Variants in PLEKHA7 observed in about 807,000 individuals in gnomAD.
The protein encoded by PLEKHA7 is pleckstrin homology domain-containing family A member 7.
In PLEKHA7, 104 loss-of-function variants were observed where a neutral mutation model predicts 170.0. The ratio of observed to expected loss-of-function variants is 0.61; its 90% CI spans 0.52 to 0.72. PLEKHA7 has a LOEUF of 0.72. PLEKHA7 is among the 30% of genes least tolerant of loss of function. The probability of loss-of-function intolerance (pLI) is 0.00; values close to 1 mark genes in which losing one functional copy is unlikely to be tolerated. For synonymous variants in PLEKHA7, 648 were observed against 660.8 expected (o/e 0.98, Z 0.30); for missense variants, 1,615 against 1,671.7 (o/e 0.97, Z 0.59).
At chr11:16,842,165 G>GTGC (rs1852015346) in intron 8 of PLEKHA7, 1 of 162,116 alleles carries the variant, frequency 6.2e-6, no homozygotes, top group African/African-American at 2.7e-5. Flanking sequence ...TGATGTGGAT[G>GTGC]TTCACTGTGC....
intron 3 of PLEKHA7, among the ~76,000 whole-genome samples, chr11:16,940,754 A>G (rs1860641452): frequency 6.6e-6 from 1 of 152,208 alleles, no homozygotes; most frequent in Non-Finnish European, 1.5e-5. Flanking sequence ...TGAATCCAAC[A>G]TAGTGCCTTT....
At chr11:16,917,987 A>G (rs1313776251) in intron 3 of PLEKHA7, among the ~76,000 whole-genome samples, 1 of 152,086 alleles carries the variant, frequency 6.6e-6, no homozygotes, top group African/African-American at 2.4e-5. Context: ...TCTCTCTATA[A>G]CCTACAGCTC....
intron 26 of PLEKHA7, among the ~76,000 whole-genome samples, chr11:16,780,190 C>T (rs576955870): frequency 2.0e-5 from 3 of 152,182 alleles, no homozygotes; most frequent in Non-Finnish European, 2.9e-5. Flanking sequence ...CCAGGTGAAC[C>T]GCTGGGCTCA....
intron 3 of PLEKHA7, among the ~76,000 whole-genome samples, chr11:16,941,611 T>A (rs1022424265): frequency 3.3e-5 from 5 of 152,224 alleles, no homozygotes; most frequent in African/African-American, 1.2e-4. Context: ...ATAGGCATTA[T>A]CCTATTTAAT....
At chr11:16,979,089 G>T (rs569919678) in intron 3 of PLEKHA7, among the ~76,000 whole-genome samples, 1 of 152,336 alleles carries the variant, frequency 6.6e-6, no homozygotes, top group South Asian at 2.1e-4. Context: ...CCAGGCTGGA[G>T]CGCAGTGGCA....
rs975023079 is a variant in PLEKHA7, at chr11:16,795,084, C to G, written c.2410-66G>C. The G allele has an allele frequency of 5.9e-6, 7 of 1,195,632 alleles. No homozygotes were observed. In the Admixed American group the frequency reaches 8.5e-5, roughly 14 times the overall value. The allele number at this position is 1,195,632 out of a possible 1,614,324, so 74.1% of individuals were successfully genotyped here. On this transcript the variant is annotated intron_variant, in intron 17 of 26. Transcript: ENST00000531066. ...TACAAGTTTCTTCTTAGGACTTATC[C>G]TACCATTTCAGACAGAGCCCCCCGC... is the stretch of plus-strand genomic sequence containing the variant.
chr11:16,807,796 T>C (rs999460494), intron 13 of PLEKHA7, among the ~76,000 whole-genome samples: 2 of 152,228 alleles, frequency 1.3e-5, no homozygotes, highest in African/African-American at 4.8e-5. Flanking sequence ...TGCTGAACAC[T>C]GGAATCACTG....
At position 16,783,781 on chromosome 11, in the gene PLEKHA7, G is replaced by T; in HGVS notation, c.3569C>A (p.Pro1190His). Residue 1190 changes from proline to histidine, a missense_variant, in exon 25 of 27, where the codon CCC (proline) becomes CAC (histidine). By Grantham distance (77) the Pro-to-His change is moderately conservative. Transcript: ENST00000531066. ...SIPERYVELDPEEPPSLEELQ... is the reference protein window; with the variant it reads ...SIPERYVELDHEEPPSLEELQ... ...CTCCTCAAGGCTGGGTGGCTCTTCGGGATCTAGCTCCACGTAGCGCTCAGG... is the reference window on the plus strand; with the variant it reads ...CTCCTCAAGGCTGGGTGGCTCTTCGTGATCTAGCTCCACGTAGCGCTCAGG... The T allele has an allele frequency of 1.3e-6, 2 of 1,514,918 alleles. No individual in the cohort carries two copies. Among genetic ancestry groups the T allele is most frequent in the Non-Finnish European group, 1.8e-6 (2 of 1,136,736 alleles). 93.8% of individuals were successfully genotyped at this position (1,514,918 alleles called of 1,614,324 possible).
At chr11:16,891,566 A>G (rs1343075407) in intron 3 of PLEKHA7, among the ~76,000 whole-genome samples, 1 of 152,250 alleles carries the variant, frequency 6.6e-6, no homozygotes, top group Non-Finnish European at 1.5e-5. Context: ...GTATTAGTTT[A>G]GTGGCTTTGA....
At chr11:16,913,574 A>G (rs942617718) in intron 3 of PLEKHA7, among the ~76,000 whole-genome samples, 2 of 152,226 alleles carry the variant, frequency 1.3e-5, no homozygotes, top group African/African-American at 2.4e-5. Flanking sequence ...GTTCCACTCC[A>G]CTGAGGGGAA....
chr11:16,925,730 G>A (rs561302069), intron 3 of PLEKHA7, among the ~76,000 whole-genome samples: 1 of 152,332 alleles, frequency 6.6e-6, no homozygotes, highest in South Asian at 2.1e-4. Flanking sequence ...GGGCCTTTCC[G>A]AGGAGCCCAC....
chr11:17,013,882 C>G, intron 3 of PLEKHA7, 107 bp downstream of exon 3: 3 of 1,271,774 alleles, frequency 2.4e-6, no homozygotes, highest in East Asian at 3.1e-5. Context: ...CGCGCGCCAA[C>G]GAGCCCGGGC....
intron 3 of PLEKHA7, among the ~76,000 whole-genome samples, chr11:16,884,172 TGA>T (rs1160762923): frequency 6.6e-6 from 1 of 152,150 alleles, no homozygotes; most frequent in Admixed American, 6.5e-5. Context: ...TCCAGTCCTT[TGA>T]GAGATGATCC....
rs752014800 is a variant in PLEKHA7, at chr11:16,786,372, C to T, written c.3373G>A (p.Asp1125Asn). ...GDLGSWKREQ[D>N]FDLQLLERVV... ...CGTTCCAGCAACTGCAGGTCAAAGT[C>T]CTGCTCACGCTTCCACTGGCAACAG... is the stretch of plus-strand genomic sequence containing the variant. Residue 1125 changes from aspartate (D) to asparagine (N), a missense_variant, in exon 24 of 27, where the codon GAC (aspartate) becomes AAC (asparagine). By Grantham distance (23) the Asp-to-Asn change is conservative. Coordinates refer to ENST00000531066, the MANE Select transcript of PLEKHA7 (RefSeq NM_001329630.2). 3.1e-5 allele frequency: 48 copies of T among 1,536,054 alleles called. No homozygotes were observed. The South Asian group carries it at 5.2e-4, about 17-fold the overall frequency.
intron 3 of PLEKHA7, among the ~76,000 whole-genome samples, chr11:16,996,809 G>A (rs979103701): frequency 6.6e-6 from 1 of 152,084 alleles, no homozygotes; most frequent in Admixed American, 6.6e-5. Flanking sequence ...GGTGGTGGTC[G>A]CCTGTGGTCC....
chr11:16,850,231 A>G (rs1177501372), intron 8 of PLEKHA7, among the ~76,000 whole-genome samples: 1 of 152,198 alleles, frequency 6.6e-6, no homozygotes, highest in Non-Finnish European at 1.5e-5. Flanking sequence ...TCTAGTGTTC[A>G]TCTTGTGCCT....
rs375631588 is a variant in PLEKHA7 at position 16,826,365 on chromosome 11, C to T, written c.1098G>A (p.Ser366=). The change falls in exon 10 of 27, where the codon TCG becomes TCA. Residue 366 remains serine (S), a synonymous_variant. Coordinates refer to ENST00000531066, the MANE Select transcript of PLEKHA7 (RefSeq NM_001329630.2). ...RDRSKARSPY[S]PAEEDALFMD... ...TAAACAAGGCATCCTCCTCGGCTGG[C>T]GAGTACGGAGACCTGGCCTTGCTCC... The T allele has an allele frequency of 2.7e-5, 44 of 1,614,124 alleles. No homozygotes were observed. The highest frequency in any genetic ancestry group is 2.5e-4 in the African/African-American group (19 of 74,946).
chr11:16,810,882 T>C (rs559645085), intron 13 of PLEKHA7, among the ~76,000 whole-genome samples: 151 of 152,314 alleles, frequency 9.9e-4, no homozygotes, highest in African/African-American at 3.5e-3. Flanking sequence ...AGCTGCTGTG[T>C]AGGCTTGGGA....
chr11:16,967,750 G>A (rs1040691781), intron 3 of PLEKHA7, among the ~76,000 whole-genome samples: 2 of 152,114 alleles, frequency 1.3e-5, no homozygotes, highest in African/African-American at 4.8e-5. Context: ...CCCAGAATGA[G>A]CACCACACAA....
Sources: allele counts gnomAD v4.1 joint callset (sites outside exome capture counted in the v4.1 genomes callset), GRCh38; gene constraint gnomAD v4.1.1; transcripts MANE v1.5; gene names NCBI Gene and HGNC (gene_info 2026-07-23, HGNC 2026-07-21).